PCDH15: variants seen among roughly 807,000 people sequenced by gnomAD.
PCDH15 encodes protocadherin-15.
A neutral mutation model predicts 178.5 loss-of-function variants in PCDH15; 129 were observed. The observed-to-expected ratio is 0.72, with a 90% CI of 0.63 to 0.84. The LOEUF (loss-of-function observed/expected upper bound fraction) is 0.84, where lower values mean the gene tolerates loss of function less well. PCDH15 is among the 40% of genes least tolerant of loss of function. The pLI is 0.00. For missense variants in PCDH15, 2,230 were observed against 2,099.9 expected, an observed-to-expected ratio of 1.06 and a Z score of -1.21; for synonymous variants, 800 against 732.0, an observed-to-expected ratio of 1.09 and a Z score of -1.50.
chr10:54,477,124 C>T (rs556297673), intron 3 of PCDH15, among the ~76,000 whole-genome samples: 8 of 152,208 alleles, frequency 5.3e-5, no homozygotes, highest in South Asian at 2.1e-4. Context: ...TAAGGTGAGG[C>T]TCTTCATGGT....
At chr10:55,448,582 T>G (rs564197751) in intron 2 of PCDH15, among the ~76,000 whole-genome samples, 2 of 151,984 alleles carry the variant, frequency 1.3e-5, no homozygotes, top group East Asian at 3.8e-4. Flanking sequence ...TAGAACTTCT[T>G]ACTAGTTATT....
intron 2 of PCDH15, among the ~76,000 whole-genome samples, chr10:55,467,991 A>AG: frequency 6.8e-6 from 1 of 147,406 alleles, no homozygotes; most frequent in Non-Finnish European, 1.5e-5. Flanking sequence ...AAAAAAAAAA[A>AG]GAATTAAAAC....
chr10:54,864,871 C>T (rs1953908435), intron 3 of PCDH15: 2 of 152,064 alleles, frequency 1.3e-5, no homozygotes, highest in Non-Finnish European at 2.9e-5. Context: ...AGAAGGAACA[C>T]CCCATTATTT....
intron 2 of PCDH15, among the ~76,000 whole-genome samples, chr10:55,567,653 G>T (rs1842328969): frequency 6.6e-6 from 1 of 151,842 alleles, no homozygotes; most frequent in African/African-American, 2.4e-5. Flanking sequence ...TTTATCCAAA[G>T]AAGATATACA....
rs2077003777 is a variant in PCDH15 at position 53,831,343 on chromosome 10, T to G, written c.4174A>C (p.Ile1392Leu). ...CTGTAGCTGACCAAAACCACCAAGA[T>G]GGCAGGAATGCAGCAGAGGATGATG... ...FIIILCCIPAILVVLVSYRQF... is the reference protein window; with the variant it reads ...FIIILCCIPALLVVLVSYRQF... The change falls in exon 30 of 38, where the codon ATC (isoleucine) becomes CTC (leucine). Residue 1392 changes from isoleucine to leucine, a missense_variant. Physicochemically the swap from Ile to Leu is conservative, Grantham distance 5. Coordinates refer to ENST00000644397, the MANE Select transcript of PCDH15 (RefSeq NM_001384140.1). 1 of 1,613,954 alleles carries G rather than the reference T, an allele frequency of 6.2e-7. No individual in the cohort carries two copies. Among genetic ancestry groups the G allele is most frequent in the South Asian group, 1.1e-5 (1 of 91,064 alleles).
At chr10:55,552,577 A>G (rs1842022155) in intron 2 of PCDH15, among the ~76,000 whole-genome samples, 1 of 151,424 alleles carries the variant, frequency 6.6e-6, no homozygotes, top group African/African-American at 2.4e-5. Flanking sequence ...TACTTTTAGA[A>G]CAAGTAGTTA....
intron 2 of PCDH15, among the ~76,000 whole-genome samples, chr10:54,613,931 C>T (rs148556496): frequency 1.3e-5 from 2 of 151,438 alleles, no homozygotes; most frequent in African/African-American, 4.8e-5. Context: ...CAACGAACTC[C>T]CAGACCACTT....
At chr10:54,479,893 C>G (rs2078583649) in intron 3 of PCDH15, among the ~76,000 whole-genome samples, 1 of 152,070 alleles carries the variant, frequency 6.6e-6, no homozygotes, top group African/African-American at 2.4e-5. Flanking sequence ...TTCACCGCCT[C>G]AGCTACCACA....
chr10:54,278,852 C>A (rs1001385215), intron 8 of PCDH15, among the ~76,000 whole-genome samples: 4 of 151,586 alleles, frequency 2.6e-5, no homozygotes, highest in African/African-American at 9.7e-5. Context: ...GCCCCAAGAT[C>A]TCTTTTGTAC....
At chr10:55,341,718 C>T (rs1276473496) in intron 2 of PCDH15, among the ~76,000 whole-genome samples, 15 of 140,434 alleles carry the variant, frequency 1.1e-4, no homozygotes, top group African/African-American at 3.7e-4. Context: ...TACAGGCATG[C>T]GCCACCACGC....
chr10:55,257,823 C>T (rs887598694), intron 1 of PCDH15, among the ~76,000 whole-genome samples: 2 of 152,090 alleles, frequency 1.3e-5, no homozygotes, highest in Non-Finnish European at 2.9e-5. Context: ...AGGAGAACTT[C>T]CCCAATCTAG....
intron 2 of PCDH15, among the ~76,000 whole-genome samples, chr10:55,483,586 C>A (rs1321278959): frequency 6.6e-6 from 1 of 151,726 alleles, no homozygotes; most frequent in Non-Finnish European, 1.5e-5. Flanking sequence ...CCTCAAAGAT[C>A]TAAAGACTGA....
chr10:55,194,154 G>T (rs1168145656), intron 1 of PCDH15, among the ~76,000 whole-genome samples: 1 of 151,994 alleles, frequency 6.6e-6, no homozygotes, highest in Non-Finnish European at 1.5e-5. Flanking sequence ...TGTTGGTCAA[G>T]AACTTACATT....
intron 2 of PCDH15, among the ~76,000 whole-genome samples, chr10:54,921,746 T>G (rs1304517698): frequency 6.6e-6 from 1 of 152,144 alleles, no homozygotes; most frequent in African/African-American, 2.4e-5. Flanking sequence ...ATTAGTCCAC[T>G]CTAGAACTGG....
chr10:54,403,250 G>A (rs1325099281), intron 3 of PCDH15, among the ~76,000 whole-genome samples: 3 of 151,974 alleles, frequency 2.0e-5, no homozygotes, highest in African/African-American at 7.2e-5. Context: ...GGAAGCCACA[G>A]AAGAAAAATT....
At chr10:55,160,828 C>T (rs902572847) in intron 2 of PCDH15, among the ~76,000 whole-genome samples, 16 of 152,100 alleles carry the variant, frequency 1.1e-4, no homozygotes, top group African/African-American at 3.9e-4. Context: ...CTGTTGACGT[C>T]TAGGAATACT....
chr10:54,728,612 T>G (rs1942910723), intron 1 of PCDH15, among the ~76,000 whole-genome samples: 1 of 151,052 alleles, frequency 6.6e-6, no homozygotes, highest in Admixed American at 6.6e-5. Context: ...GAGGAAGAAA[T>G]AAAATGCATC....
chr10:55,264,598 GGAA>G (rs1429656942), intron 1 of PCDH15, among the ~76,000 whole-genome samples: 1 of 152,122 alleles, frequency 6.6e-6, no homozygotes, highest in Admixed American at 6.5e-5. Flanking sequence ...AAAGAAAGAA[GGAA>G]ATGAGGGACG....
At chr10:54,925,356 A>G (rs1369641427) in intron 2 of PCDH15, among the ~76,000 whole-genome samples, 1 of 152,008 alleles carries the variant, frequency 6.6e-6, no homozygotes, top group African/African-American at 2.4e-5. Flanking sequence ...GCCTTGTTGT[A>G]TATATTAAAG....
Sources: allele counts gnomAD v4.1 joint callset (sites outside exome capture counted in the v4.1 genomes callset), GRCh38; gene constraint gnomAD v4.1.1; transcripts MANE v1.5; gene names NCBI Gene and HGNC (gene_info 2026-07-23, HGNC 2026-07-21).